RGSL1: variants seen among roughly 807,000 people sequenced by gnomAD.
RGSL1 encodes regulator of G protein signaling like 1.
RGSL1 carries 97 observed loss-of-function variants against 124.7 expected under a neutral mutation model. That is an observed-to-expected ratio of 0.78 (90% confidence interval 0.66 to 0.92). The LOEUF (loss-of-function observed/expected upper bound fraction) is 0.92. Among genes scored for constraint, RGSL1 ranks in the 40% least tolerant of loss-of-function variants. RGSL1 has a pLI of 0.00. For missense variants in RGSL1, 1,233 were observed against 1,288.4 expected (o/e 0.96, Z 0.66); for synonymous variants, 424 against 438.1 (o/e 0.97, Z 0.40).
chr1:182,544,834 C>G (rs1195008337), intron 15 of RGSL1, among the ~76,000 whole-genome samples: 1 of 151,934 alleles, frequency 6.6e-6, no homozygotes, highest in Admixed American at 6.6e-5. Context: ...GGTTTCTACT[C>G]ACATAGAATA....
At chr1:182,552,368 T>C (rs266541) in intron 18 of RGSL1, among the ~76,000 whole-genome samples, 134,751 of 152,166 alleles carry the variant, frequency 0.89, 59,914 homozygotes, top group Non-Finnish European at 0.92. Flanking sequence ...CCCCCCTCAG[T>C]GTCCCAAAGT....
At chr1:182,541,486 ACTTAGGT>A (rs1659887798) in intron 15 of RGSL1, among the ~76,000 whole-genome samples, 1 of 152,208 alleles carries the variant, frequency 6.6e-6, no homozygotes, top group Non-Finnish European at 1.5e-5. Flanking sequence ...ACTGATGGGC[ACTTAGGT>A]TGATTCCATA....
chr1:182,473,936 T>C lies in RGSL1; in HGVS notation c.825T>C (p.Ile275=). The part of the protein sequence containing the change: ...SLEMDLKPDA[I]GMPLQETCPQ... ...AAATGGATCTCAAGCCAGATGCTAT[T>C]GGTATGCCCCTACAGGAGACATGTC... The change falls in exon 6 of 22, where the codon ATT becomes ATC. Residue 275 remains isoleucine, a synonymous_variant. Coordinates refer to ENST00000294854, the MANE Select transcript of RGSL1 (RefSeq NM_001137669.2). 6.4e-7 allele frequency: 1 copy of C among 1,552,062 alleles called. No homozygotes were observed. The highest frequency in any genetic ancestry group is 8.7e-7 in the Non-Finnish European group (1 of 1,147,064).
intron 3 of RGSL1, among the ~76,000 whole-genome samples, chr1:182,459,685 T>C (rs1335052861): frequency 6.6e-6 from 1 of 152,238 alleles, no homozygotes; most frequent in Non-Finnish European, 1.5e-5. Flanking sequence ...AAATCTTTTC[T>C]GCTTTTCTTC....
intron 17 of RGSL1, chr1:182,550,859 A>G (rs538159161): frequency 9.9e-6 from 5 of 506,048 alleles, no homozygotes; most frequent in African/African-American, 3.9e-5. Context: ...TGATGGTTCC[A>G]GAAAGAAGCC....
intron 4 of RGSL1, among the ~76,000 whole-genome samples, chr1:182,467,000 T>C (rs1206075968): frequency 2.0e-5 from 3 of 152,172 alleles, no homozygotes; most frequent in Non-Finnish European, 4.4e-5. Context: ...AAATCATGAG[T>C]GAACTCCCAT....
At chr1:182,516,882 A>G (rs1435245558) in intron 9 of RGSL1, among the ~76,000 whole-genome samples, 1 of 152,218 alleles carries the variant, frequency 6.6e-6, no homozygotes, top group Non-Finnish European at 1.5e-5. Flanking sequence ...GTTGAACACC[A>G]TAATTATAGT....
At chr1:182,455,302 C>T (rs1027382391) in intron 2 of RGSL1, among the ~76,000 whole-genome samples, 7 of 152,130 alleles carry the variant, frequency 4.6e-5, no homozygotes, top group South Asian at 2.1e-4. Flanking sequence ...TAGGAGGAGG[C>T]GGGGCACGGT....
intron 13 of RGSL1, 44 bp from the exon 14 acceptor site, chr1:182,532,618 C>T: frequency 6.5e-7 from 1 of 1,540,770 alleles, no homozygotes; most frequent in Non-Finnish European, 8.8e-7. Flanking sequence ...CGGTGAACAG[C>T]AACCATACTA....
intron 17 of RGSL1, 50 bp from the exon 18 acceptor site, chr1:182,551,050 C>A (rs1660527015): frequency 1.6e-6 from 2 of 1,275,418 alleles, no homozygotes; most frequent in East Asian, 2.5e-5. Flanking sequence ...GTGCTCCAGC[C>A]CCCTCCACTG....
intron 15 of RGSL1, among the ~76,000 whole-genome samples, chr1:182,545,687 T>C (rs769732860): frequency 2.6e-5 from 4 of 152,196 alleles, no homozygotes; most frequent in Admixed American, 6.5e-5. Flanking sequence ...TACTCTTGGA[T>C]GGTGGGTTTT....
chr1:182,548,357 A>T lies in RGSL1; in HGVS notation c.2710A>T (p.Asn904Tyr). Reference sequence around the variant, plus strand: ...CAGTTCAGCCCACATGCTGCAGGTCAACCGGGCATATAATGAGAATGATGT... The same window carrying T: ...CAGTTCAGCCCACATGCTGCAGGTCTACCGGGCATATAATGAGAATGATGT... ...LVSSAHMLQV[N>Y]RAYNENDVIL... Residue 904 changes from asparagine to tyrosine, a missense_variant, in exon 16 of 22, where the codon AAC becomes TAC. Asn to Tyr is a moderately radical substitution (Grantham distance 143, BLOSUM62 -2). Coordinates refer to ENST00000294854, the MANE Select transcript of RGSL1 (RefSeq NM_001137669.2). 1 of 1,552,068 alleles carries T rather than the reference A, an allele frequency of 6.4e-7. No homozygotes were observed. Among genetic ancestry groups the T allele is most frequent in the Non-Finnish European group, 8.7e-7 (1 of 1,147,052 alleles).
At chr1:182,470,317 C>A (rs888356811) in intron 4 of RGSL1, among the ~76,000 whole-genome samples, 1 of 152,070 alleles carries the variant, frequency 6.6e-6, no homozygotes, top group East Asian at 1.9e-4. Context: ...CCTACAGTGA[C>A]CTTCAAGATC....
chr1:182,453,821 T>G, intron 1 of RGSL1, 137 bp from the exon 2 acceptor site: 1 of 597,896 alleles, frequency 1.7e-6, no homozygotes, highest in East Asian at 2.8e-5. Flanking sequence ...ACATGCAAAT[T>G]GAATTGCATG....
chr1:182,482,935 T>G (rs1654824001), intron 6 of RGSL1, among the ~76,000 whole-genome samples: 1 of 152,188 alleles, frequency 6.6e-6, no homozygotes, highest in Admixed American at 6.5e-5. Flanking sequence ...TTATTCAGTC[T>G]TTAAAAGGAA....
chr1:182,522,774 A>G (rs929057376), intron 10 of RGSL1, among the ~76,000 whole-genome samples: 1 of 152,160 alleles, frequency 6.6e-6, no homozygotes, highest in Admixed American at 6.5e-5. Flanking sequence ...TATATGTACT[A>G]CTTTTTACCG....
At chr1:182,455,591 GAAA>G (rs33976225) in intron 2 of RGSL1, among the ~76,000 whole-genome samples, 5 of 144,924 alleles carry the variant, frequency 3.5e-5, no homozygotes, top group Admixed American at 6.7e-5. Context: ...CAAAAAGAAA[GAAA>G]AAAAAAAAGA....
chr1:182,503,363 C>T (rs1160209269), intron 9 of RGSL1, among the ~76,000 whole-genome samples: 1 of 152,066 alleles, frequency 6.6e-6, no homozygotes, highest in Non-Finnish European at 1.5e-5. Flanking sequence ...AGAAAATGTG[C>T]TCCTATACAC....
intron 6 of RGSL1, among the ~76,000 whole-genome samples, chr1:182,484,615 C>G (rs1279668660): frequency 6.6e-6 from 1 of 152,154 alleles, no homozygotes; most frequent in African/African-American, 2.4e-5. Context: ...TGGGGCAGCT[C>G]CAACAAGGCA....
Sources: allele counts gnomAD v4.1 joint callset (sites outside exome capture counted in the v4.1 genomes callset), GRCh38; gene constraint gnomAD v4.1.1; transcripts MANE v1.5; gene names NCBI Gene and HGNC (gene_info 2026-07-23, HGNC 2026-07-21).